HFM1: variants seen among roughly 807,000 people sequenced by gnomAD.
HFM1 encodes probable ATP-dependent DNA helicase HFM1.
A neutral mutation model predicts 192.1 loss-of-function variants in HFM1; 169 were observed. The ratio of observed to expected loss-of-function variants is 0.88; its 90% confidence interval spans 0.78 to 1.00. The LOEUF (loss-of-function observed/expected upper bound fraction) is 1.00. Ranked by LOEUF, HFM1 falls within the 50% of genes least tolerant of loss-of-function variation. The pLI is 0.00. For synonymous variants in HFM1, 525 were observed against 537.8 expected, an observed-to-expected ratio of 0.98 and a Z score of 0.33; for missense variants, 1,661 against 1,668.0, an observed-to-expected ratio of 1.00 and a Z score of 0.07.
intron 18 of HFM1, among the ~76,000 whole-genome samples, chr1:91,349,614 T>C (rs1214896578): frequency 6.6e-6 from 1 of 152,170 alleles, no homozygotes; most frequent in East Asian, 1.9e-4. Flanking sequence ...CTCTAACTTA[T>C]AGCTCTGTGA....
At chr1:91,357,619 GA>G (rs1419983090) in intron 13 of HFM1, among the ~76,000 whole-genome samples, 1 of 151,354 alleles carries the variant, frequency 6.6e-6, no homozygotes, top group East Asian at 1.9e-4. Flanking sequence ...AATCAGATAA[GA>G]AAAAAATAAA....
chr1:91,300,058 G>T, intron 30 of HFM1, among the ~76,000 whole-genome samples: 1 of 151,220 alleles, frequency 6.6e-6, no homozygotes, highest in East Asian at 2.0e-4. Context: ...AAGAAGAAAA[G>T]AGAGAAGAAT....
At chr1:91,338,844 C>A in intron 20 of HFM1, 1 of 442,478 alleles carries the variant, frequency 2.3e-6, no homozygotes, top group Non-Finnish European at 4.6e-6. Context: ...TACTATACAG[C>A]CACTGTTGGC....
chr1:91,273,800 G>GT lies in HFM1; in HGVS notation c.3683dup (p.Asn1228LysfsTer4). Reference sequence around the variant, plus strand: ...GCTCCATTATAGGCAATTCAGATATGTTTAAATATTCTGACCTTTATAAAG... The same window carrying GT: ...GCTCCATTATAGGCAATTCAGATATGTTTTAAATATTCTGACCTTTATAAAG... On this transcript the variant is annotated frameshift_variant, in exon 34 of 39. Transcript: ENST00000370425. LOFTEE classifies it high-confidence loss of function. 2 of 1,564,394 alleles carry GT rather than the reference G, an allele frequency of 1.3e-6. No individual in the cohort carries two copies. The highest frequency in any genetic ancestry group is 1.8e-6 in the Non-Finnish European group (2 of 1,138,506).
chr1:91,357,609 A>C (rs1432938143), intron 13 of HFM1, among the ~76,000 whole-genome samples: 4 of 152,190 alleles, frequency 2.6e-5, no homozygotes, highest in Non-Finnish European at 1.5e-5. Context: ...TACCAAGAGC[A>C]ATCAGATAAG....
chr1:91,310,197 T>A (rs796314516), intron 30 of HFM1, among the ~76,000 whole-genome samples: 17 of 152,078 alleles, frequency 1.1e-4, no homozygotes, highest in African/African-American at 3.9e-4. Flanking sequence ...TAATGTAGTT[T>A]AAAAAAATCT....
chr1:91,355,856 A>G (rs944283080), intron 13 of HFM1, among the ~76,000 whole-genome samples: 1 of 152,338 alleles, frequency 6.6e-6, no homozygotes, highest in East Asian at 1.9e-4. Flanking sequence ...TTGTACTTTG[A>G]GTCAAATGGA....
At chr1:91,400,556 A>G (rs1279875444) in intron 2 of HFM1, among the ~76,000 whole-genome samples, 1 of 150,104 alleles carries the variant, frequency 6.7e-6, no homozygotes, top group African/African-American at 2.5e-5. Context: ...ACCTTAGCTC[A>G]CTGCAACCTC....
chr1:91,352,622 T>C lies in HFM1; in HGVS notation c.1861A>G (p.Asn621Asp), dbSNP rs376597094. The change falls in exon 16 of 39, where the codon AAT (asparagine) becomes GAT (aspartate). Residue 621 changes from asparagine to aspartate, a missense_variant. Coordinates refer to ENST00000370425, the MANE Select transcript of HFM1 (RefSeq NM_001017975.6). Reference sequence around the variant, plus strand: ...ATAACTACTAGGTGAGCAGGCAAATTTACTCCCATAGCTAAAGTACTGGTA... The same window carrying C: ...ATAACTACTAGGTGAGCAGGCAAATCTACTCCCATAGCTAAAGTACTGGTA... ...FTTSTLAMGV[N>D]LPAHLVVIKS... 1.6e-5 allele frequency: 26 copies of C among 1,608,550 alleles called. No homozygotes were observed. Among genetic ancestry groups the C allele is most frequent in the Non-Finnish European group, 2.1e-5 (25 of 1,177,146 alleles).
At chr1:91,338,696 C>T (rs1654927415) in intron 20 of HFM1, among the ~76,000 whole-genome samples, 1 of 152,180 alleles carries the variant, frequency 6.6e-6, no homozygotes, top group African/African-American at 2.4e-5. Flanking sequence ...GACCTTGTCA[C>T]CACGGCCGTG....
Position 91,313,396 on chromosome 1 carries a change from G to C in HFM1, c.3344C>G (p.Ser1115Cys). 6.3e-7 allele frequency: 1 copy of C among 1,592,172 alleles called. No individual in the cohort carries two copies. The change falls in exon 30 of 39, where the codon TCC becomes TGC. Residue 1115 changes from serine to cysteine, a missense_variant. Physicochemically the swap from Ser to Cys is moderately radical, Grantham distance 112. Transcript: ENST00000370425. Reference protein sequence around the residue: ...TMQRKSETQISHSKHSDISTI... With the variant: ...TMQRKSETQICHSKHSDISTI... ...AGATATGTCTGAATGTTTAGAATGG[G>C]AAATCTGTGTTTCAGATTTTCTTTG...
intron 11 of HFM1, 147 bp downstream of exon 11, chr1:91,377,878 T>C: frequency 1.4e-6 from 1 of 733,584 alleles, no homozygotes; most frequent in South Asian, 1.7e-5. Flanking sequence ...AATACTGTTA[T>C]ATTTATGAGA....
chr1:91,338,878 C>G, intron 20 of HFM1: 2 of 455,456 alleles, frequency 4.4e-6, no homozygotes, highest in Non-Finnish European at 8.8e-6. Flanking sequence ...GCGTAACCTT[C>G]TGCCACTGCC....
At chr1:91,403,632 T>C (rs961647948) in intron 1 of HFM1, among the ~76,000 whole-genome samples, 3 of 152,184 alleles carry the variant, frequency 2.0e-5, no homozygotes, top group Non-Finnish European at 1.5e-5. Context: ...TTTCAGCACG[T>C]GGCACAAAAT....
chr1:91,276,865 T>C (rs778773348), intron 31 of HFM1, 117 bp downstream of exon 31: 27 of 679,764 alleles, frequency 4.0e-5, no homozygotes, highest in Non-Finnish European at 6.3e-5. Flanking sequence ...GAGAGAAAAT[T>C]ATTTGCATTA....
intron 2 of HFM1, among the ~76,000 whole-genome samples, chr1:91,399,255 T>A (rs529361322): frequency 2.6e-3 from 403 of 152,266 alleles, no homozygotes; most frequent in Non-Finnish European, 4.4e-3. Context: ...ACCTATAATA[T>A]GTATTATAGT....
intron 20 of HFM1, among the ~76,000 whole-genome samples, chr1:91,328,012 AAAG>A (rs1403077629): frequency 6.6e-6 from 1 of 152,218 alleles, no homozygotes; most frequent in East Asian, 1.9e-4. Flanking sequence ...CTACATCAAA[AAAG>A]AAGAAAAATG....
intron 18 of HFM1, among the ~76,000 whole-genome samples, chr1:91,348,623 C>T (rs1190111389): frequency 6.6e-6 from 1 of 151,558 alleles, no homozygotes; most frequent in South Asian, 2.1e-4. Flanking sequence ...TTAGCTATTA[C>T]AAAAAAAAGC....
At chr1:91,275,678 T>C (rs1666735666) in intron 32 of HFM1, among the ~76,000 whole-genome samples, 1 of 152,174 alleles carries the variant, frequency 6.6e-6, no homozygotes, top group South Asian at 2.1e-4. Flanking sequence ...AGTAGCAAGG[T>C]AGCGATTCTA....
Sources: allele counts gnomAD v4.1 joint callset (sites outside exome capture counted in the v4.1 genomes callset), GRCh38; gene constraint gnomAD v4.1.1; transcripts MANE v1.5; gene names NCBI Gene and HGNC (gene_info 2026-07-23, HGNC 2026-07-21).